Variants in TMEM154 observed in about 807,000 individuals in gnomAD.
TMEM154 encodes transmembrane protein 154.
A neutral mutation model predicts 24.5 loss-of-function variants in TMEM154; 27 were observed. The ratio of observed to expected loss-of-function variants is 1.10; its 90% confidence interval spans 0.81 to 1.52. The LOEUF (loss-of-function observed/expected upper bound fraction) is 1.52. Ranked by LOEUF, TMEM154 falls within the 40% of genes most tolerant of loss-of-function variation. TMEM154 has a pLI of 0.00. For missense variants in TMEM154, 228 were observed against 213.4 expected (o/e 1.07, Z -0.43); for synonymous variants, 67 against 76.8 (o/e 0.87, Z 0.67).
At chr4:152,650,334 T>C (rs889247853) in intron 3 of TMEM154, among the ~76,000 whole-genome samples, 1 of 152,146 alleles carries the variant, frequency 6.6e-6, no homozygotes, top group African/African-American at 2.4e-5. Context: ...ATTTCAACAA[T>C]GTTCATGGCA....
At chr4:152,652,406 T>C in intron 3 of TMEM154, 132 bp downstream of exon 3, 2 of 1,400,224 alleles carry the variant, frequency 1.4e-6, no homozygotes, top group Non-Finnish European at 1.9e-6. Flanking sequence ...TATTCACTTC[T>C]GGAAAATTTC....
chr4:152,667,969 T>C (rs1728753671), intron 1 of TMEM154, among the ~76,000 whole-genome samples: 1 of 152,250 alleles, frequency 6.6e-6, no homozygotes, highest in African/African-American at 2.4e-5. Flanking sequence ...TAAAACATGT[T>C]TCACAGTGGG....
chr4:152,673,593 G>A (rs1481456899), intron 1 of TMEM154, among the ~76,000 whole-genome samples: 1 of 152,142 alleles, frequency 6.6e-6, no homozygotes, highest in Non-Finnish European at 1.5e-5. Context: ...GAGCCACCAT[G>A]CCTGGTGGCA....
intron 1 of TMEM154, among the ~76,000 whole-genome samples, chr4:152,665,382 C>T (rs893031989): frequency 3.9e-5 from 6 of 152,180 alleles, no homozygotes; most frequent in East Asian, 1.9e-4. Flanking sequence ...TCTCTATGGT[C>T]CTCGGTGAAT....
At chr4:152,628,938 C>T (rs537629355) in intron 6 of TMEM154, among the ~76,000 whole-genome samples, 4 of 152,082 alleles carry the variant, frequency 2.6e-5, no homozygotes, top group Non-Finnish European at 5.9e-5. Flanking sequence ...AGCCACTGCA[C>T]CCGGCCAACA....
chr4:152,678,735 A>C (rs1373673030), intron 1 of TMEM154, among the ~76,000 whole-genome samples: 1 of 152,226 alleles, frequency 6.6e-6, no homozygotes, highest in Non-Finnish European at 1.5e-5. Flanking sequence ...ACAACACATC[A>C]ACTTCCAAAC....
At chr4:152,652,390 T>C (rs1020486012) in intron 3 of TMEM154, 148 bp downstream of exon 3, 1 of 1,187,970 alleles carries the variant, frequency 8.4e-7, no homozygotes, top group Non-Finnish European at 1.1e-6. Context: ...GAAAGGAATA[T>C]GCATATATTC....
chr4:152,640,278 A>C (rs1752230823), intron 6 of TMEM154, among the ~76,000 whole-genome samples: 2 of 152,198 alleles, frequency 1.3e-5, no homozygotes, highest in South Asian at 4.1e-4. Flanking sequence ...AGCTCTGCAG[A>C]GCCAGTCCCC....
At chr4:152,635,917 T>C (rs1752140277) in intron 6 of TMEM154, among the ~76,000 whole-genome samples, 1 of 152,218 alleles carries the variant, frequency 6.6e-6, no homozygotes, top group Non-Finnish European at 1.5e-5. Flanking sequence ...ATCATCCCTG[T>C]GGTCAAGAGA....
intron 1 of TMEM154, among the ~76,000 whole-genome samples, chr4:152,679,005 C>T (rs1188589719): frequency 6.6e-6 from 1 of 152,162 alleles, no homozygotes; most frequent in African/African-American, 2.4e-5. Flanking sequence ...TAAATACTGC[C>T]CTACACTAGA....
intron 6 of TMEM154, among the ~76,000 whole-genome samples, chr4:152,628,821 T>TA (rs1751975957): frequency 6.6e-6 from 1 of 150,786 alleles, no homozygotes; most frequent in South Asian, 2.1e-4. Flanking sequence ...TATTTTTTTT[T>TA]TTTTTAGTAG....
At position 152,627,379 on chromosome 4, in the gene TMEM154, A is replaced by T. The variant is rs1475843626; in HGVS notation, c.*1167T>A. 6.6e-6 allele frequency: 1 copy of T among 152,244 alleles called. No homozygotes were observed. The highest frequency in any genetic ancestry group is 2.4e-5 in the African/African-American group (1 of 41,460). The allele number at this position is 152,244 out of a possible 1,614,324, so 9.4% of individuals were successfully genotyped here. ...ATCCAAGGAGAGCTGAGGATTCTCA[A>T]TTTGCTAGATTGCTTTAAAGGGGTC... On this transcript the variant is annotated 3_prime_UTR_variant, in exon 7 of 7. Coordinates refer to ENST00000304385, the MANE Select transcript of TMEM154 (RefSeq NM_152680.3).
rs1206440426 is a variant in TMEM154 at position 152,658,984 on chromosome 4, C to T, written c.65-6057G>A. 4.3e-4 allele frequency among the ~76,000 whole-genome samples: 66 copies of T among 152,068 alleles called. 1 individual carries two copies. The highest frequency in any genetic ancestry group is 2.9e-5 in the Non-Finnish European group (2 of 68,018). ...TCTCAAAAAACTAACAAGAGAACTACCATACAATCCTCAATCTCACTACTG... is the reference window on the plus strand; with the variant it reads ...TCTCAAAAAACTAACAAGAGAACTATCATACAATCCTCAATCTCACTACTG... On this transcript the variant is annotated intron_variant, in intron 1 of 6. Transcript: ENST00000304385.
In TMEM154 at chr4:152,654,349, G is replaced by A. The variant is rs6815146; in HGVS notation, c.65-1422C>T. Among the ~76,000 whole-genome samples, 1,239 of 152,332 alleles carry A rather than the reference G, an allele frequency of 8.1e-3. 17 individuals carry two copies. The highest frequency in any genetic ancestry group is 0.029 in the African/African-American group (1,201 of 41,560). ...AGTCAGCTGCTTTAAACCACACTCT[G>A]CGGTATAGGTTAGGCAATTACTTTA... is the stretch of plus-strand genomic sequence containing the variant. On this transcript the variant is annotated intron_variant, in intron 1 of 6. Coordinates refer to ENST00000304385, the MANE Select transcript of TMEM154 (RefSeq NM_152680.3).
In TMEM154 at chr4:152,628,364, T is replaced by C. The variant is rs1053166928; in HGVS notation, c.*182A>G. Reference sequence around the variant, plus strand: ...TTCCTAGTACTTCTCAATTGCACATTCTTCCAAGTGCAAGTGATGCCATCA... The same window carrying C: ...TTCCTAGTACTTCTCAATTGCACATCCTTCCAAGTGCAAGTGATGCCATCA... On this transcript the variant is annotated 3_prime_UTR_variant, in exon 7 of 7. Transcript: ENST00000304385. The C allele has an allele frequency of 2.9e-6, 3 of 1,040,494 alleles. No individual in the cohort carries two copies. In the African/African-American group the frequency reaches 4.8e-5, roughly 17 times the overall value. 64.5% of individuals were successfully genotyped at this position (1,040,494 alleles called of 1,614,324 possible). A position where few individuals can be genotyped will look rare whatever the true frequency, so the allele number is the denominator to read the frequency against.
chr4:152,669,875 C>T (rs963342007), intron 1 of TMEM154: 3 of 152,216 alleles, frequency 2.0e-5, no homozygotes, highest in Non-Finnish European at 4.4e-5. Flanking sequence ...GAATACTGTT[C>T]TGTTAGGTAA....
At chr4:152,676,923 C>T (rs1728962208) in intron 1 of TMEM154, among the ~76,000 whole-genome samples, 1 of 152,172 alleles carries the variant, frequency 6.6e-6, no homozygotes, top group Admixed American at 6.5e-5. Flanking sequence ...AACAATTCTG[C>T]TTTTAGCAAC....
In TMEM154 at chr4:152,677,861, T is replaced by C. The variant is rs1728979629; in HGVS notation, c.64+2009A>G. Among the ~76,000 whole-genome samples, 5 of 152,190 alleles carry C rather than the reference T, an allele frequency of 3.3e-5. No homozygotes were observed. In the South Asian group the frequency reaches 1.0e-3, roughly 32 times the overall value. ...CATTTATGCTGAGCCCTTACAGGAT[T>C]TTGGAAAGTCAAAGGTGAACTACAG... On this transcript the variant is annotated intron_variant, in intron 1 of 6. Transcript: ENST00000304385.
intron 3 of TMEM154, chr4:152,646,922 C>A (rs564363604): frequency 4.3e-6 from 3 of 702,274 alleles, no homozygotes; most frequent in Non-Finnish European, 7.8e-6. Context: ...GTTTATCGCC[C>A]GCTGTTTTCC....
Sources: allele counts gnomAD v4.1 joint callset (sites outside exome capture counted in the v4.1 genomes callset), GRCh38; gene constraint gnomAD v4.1.1; transcripts MANE v1.5; gene names NCBI Gene and HGNC (gene_info 2026-07-23, HGNC 2026-07-21).